The following KCNG3 variants were observed in gnomAD, a reference collection of about 807,000 sequenced individuals.
The protein encoded by KCNG3 is voltage-gated potassium channel regulatory subunit KCNG3.
KCNG3 carries 15 observed loss-of-function variants against 29.0 expected under a neutral mutation model. The observed-to-expected ratio is 0.52, with a 90% CI of 0.35 to 0.80. The LOEUF (loss-of-function observed/expected upper bound fraction) is 0.80, where lower values mean the gene tolerates loss of function less well. KCNG3 is among the 30% of genes least tolerant of loss of function. KCNG3 has a pLI of 0.01. For synonymous variants in KCNG3, 322 were observed against 248.9 expected, an observed-to-expected ratio of 1.29 and a Z score of -2.76; for missense variants, 512 against 605.7, an observed-to-expected ratio of 0.85 and a Z score of 1.62.
chr2:42,408,116 G>A, the KCNG3 span, among the ~76,000 whole-genome samples: 30 of 152,208 alleles, frequency 2.0e-4, no homozygotes, highest in African/African-American at 7.0e-4. Context: ...GGGTGCCTAT[G>A]AGCATGGGTG....
chr2:42,477,284 T>C (rs1673452053), intron 1 of KCNG3, among the ~76,000 whole-genome samples: 1 of 151,426 alleles, frequency 6.6e-6, no homozygotes, highest in African/African-American at 2.4e-5. Context: ...GTTACTCTTA[T>C]GCTTAAAGGC....
chr2:42,415,909 T>C, the KCNG3 span, among the ~76,000 whole-genome samples: 2 of 151,992 alleles, frequency 1.3e-5, no homozygotes, highest in African/African-American at 2.4e-5. Context: ...AAGTAGAGAG[T>C]AGAGGCCGGG....
At chr2:42,450,930 A>G (rs1672733930) in intron 1 of KCNG3, among the ~76,000 whole-genome samples, 1 of 152,210 alleles carries the variant, frequency 6.6e-6, no homozygotes, top group African/African-American at 2.4e-5. Flanking sequence ...TGGGGCCAGA[A>G]GCAGTGGCTC....
chr2:42,447,935 T>C (rs1672644136), intron 1 of KCNG3, among the ~76,000 whole-genome samples: 1 of 152,210 alleles, frequency 6.6e-6, no homozygotes, highest in Non-Finnish European at 1.5e-5. Flanking sequence ...TATGTATTTG[T>C]AATTTTGATA....
the KCNG3 span, among the ~76,000 whole-genome samples, chr2:42,420,583 A>C: frequency 3.3e-5 from 5 of 152,102 alleles, no homozygotes; most frequent in African/African-American, 1.2e-4. Flanking sequence ...TGAAGTCAGG[A>C]GTTTCAGACC....
At chr2:42,410,050 G>T in the KCNG3 span, among the ~76,000 whole-genome samples, 1 of 152,002 alleles carries the variant, frequency 6.6e-6, no homozygotes, top group Non-Finnish European at 1.5e-5. Context: ...CCACACAAAA[G>T]GTGGCATACT....
At position 42,478,159 on chromosome 2, in the gene KCNG3, A is replaced by G. The variant is rs1334536841; in HGVS notation, c.665+14678T>C. Among the ~76,000 whole-genome samples, 5 of 152,288 alleles carry G rather than the reference A, an allele frequency of 3.3e-5. No individual in the cohort carries two copies. The East Asian group carries it at 7.7e-4, about 24-fold the overall frequency. ...AACTTTTGCGGCTCAGGACCCCTTT[A>G]CACTCAACTCCTGAGGATCTAAAGG... On this transcript the variant is annotated intron_variant, in intron 1 of 1. Transcript: ENST00000306078.
At chr2:42,461,182 C>CAAAAAAAAAAAAAAAAAAAAAAA (rs34199989) in intron 1 of KCNG3, among the ~76,000 whole-genome samples, 14 of 56,404 alleles carry the variant, frequency 2.5e-4, no homozygotes, top group East Asian at 1.4e-3. Context: ...CAAAACAAAA[C>CAAAAAAAAAAAAAAAAAAAAAAA]AAAAAAAAAA....
At chr2:42,464,417 A>AT (rs771518390) in intron 1 of KCNG3, among the ~76,000 whole-genome samples, 2 of 152,190 alleles carry the variant, frequency 1.3e-5, no homozygotes, top group Non-Finnish European at 2.9e-5. Context: ...TATCTAGACT[A>AT]TAAGGTCTTC....
At chr2:42,431,012 A>G in the KCNG3 span, among the ~76,000 whole-genome samples, 1 of 151,680 alleles carries the variant, frequency 6.6e-6, no homozygotes, top group Non-Finnish European at 1.5e-5. Flanking sequence ...AGGCTAAGAC[A>G]TGAAAATCAC....
the KCNG3 span, among the ~76,000 whole-genome samples, chr2:42,416,303 A>C: frequency 6.6e-6 from 1 of 152,162 alleles, no homozygotes; most frequent in African/African-American, 2.4e-5. Flanking sequence ...GTTAACAATA[A>C]TATATTGTAT....
intron 1 of KCNG3, among the ~76,000 whole-genome samples, chr2:42,485,742 C>T (rs1673703936): frequency 6.6e-6 from 1 of 152,154 alleles, no homozygotes; most frequent in Admixed American, 6.6e-5. Flanking sequence ...GCCACCGTGC[C>T]CGGCAAATGC....
chr2:42,409,545 G>A, the KCNG3 span, among the ~76,000 whole-genome samples: 3 of 151,008 alleles, frequency 2.0e-5, no homozygotes, highest in Non-Finnish European at 3.0e-5. Context: ...TCTACAAAAA[G>A]GTACAAAAAT....
the KCNG3 span, among the ~76,000 whole-genome samples, chr2:42,419,152 C>G: frequency 4.4e-4 from 65 of 146,952 alleles, 1 homozygote; most frequent in Admixed American, 3.8e-3. Flanking sequence ...ATGTTCCTGA[C>G]AGGCCTGTGG....
At chr2:42,405,377 G>T in the KCNG3 span, among the ~76,000 whole-genome samples, 6 of 150,552 alleles carry the variant, frequency 4.0e-5, no homozygotes, top group Non-Finnish European at 8.9e-5. Flanking sequence ...TCAATTTGTG[G>T]TTTTATCTTT....
intron 1 of KCNG3, chr2:42,470,138 G>A (rs1335271158): frequency 4.6e-6 from 2 of 436,010 alleles, no homozygotes; most frequent in African/African-American, 4.2e-5. Flanking sequence ...AAAGGATAAG[G>A]ATGCTAAATT....
intron 1 of KCNG3, among the ~76,000 whole-genome samples, chr2:42,449,540 C>T (rs1279728967): frequency 7.3e-5 from 8 of 110,232 alleles, no homozygotes; most frequent in Non-Finnish European, 7.0e-5. Flanking sequence ...TTTTTTGAGA[C>T]AGGGTCTCAC....
intron 1 of KCNG3, among the ~76,000 whole-genome samples, chr2:42,482,301 G>A (rs1032661847): frequency 2.0e-5 from 3 of 152,202 alleles, no homozygotes; most frequent in East Asian, 1.9e-4. Context: ...CCTACAGATC[G>A]GGCATAGTGG....
chr2:42,407,751 C>T, the KCNG3 span, among the ~76,000 whole-genome samples: 1 of 152,084 alleles, frequency 6.6e-6, no homozygotes, highest in Non-Finnish European at 1.5e-5. Context: ...AGACCCGGGC[C>T]TCCCTGTGCT....
Sources: allele counts gnomAD v4.1 joint callset (sites outside exome capture counted in the v4.1 genomes callset), GRCh38; gene constraint gnomAD v4.1.1; transcripts MANE v1.5; gene names NCBI Gene and HGNC (gene_info 2026-07-23, HGNC 2026-07-21).